The following OR2M4 variants were observed in gnomAD, a reference collection of about 807,000 sequenced individuals.
OR2M4 encodes olfactory receptor family 2 subfamily M member 4, also known as olfactory receptor 2M4.
Under a neutral mutation model 13.7 loss-of-function variants are expected in OR2M4, and 8 were observed. The observed-to-expected ratio is 0.58, with a 90% CI of 0.34 to 1.05. The LOEUF (loss-of-function observed/expected upper bound fraction) is 1.05. Among genes scored for constraint, OR2M4 ranks in the 50% least tolerant of loss-of-function variants. The pLI is 0.02. For missense variants in OR2M4, 374 were observed against 381.6 expected (o/e 0.98, Z 0.17); for synonymous variants, 152 against 141.3 (o/e 1.08, Z -0.53).
rs1666646354 is a variant in OR2M4 at position 248,244,431 on chromosome 1, T to C, written c.*4567T>C. The C allele has an allele frequency of 6.6e-6, 1 of 152,156 alleles. No individual in the cohort carries two copies. Among genetic ancestry groups the C allele is most frequent in the Non-Finnish European group, 1.5e-5 (1 of 68,034 alleles). 9.4% of individuals were successfully genotyped at this position (152,156 alleles called of 1,614,324 possible). A position where few individuals can be genotyped will look rare whatever the true frequency, so the allele number is the denominator to read the frequency against. On this transcript the variant is annotated 3_prime_UTR_variant, in exon 2 of 2. Coordinates refer to ENST00000641868, the MANE Select transcript of OR2M4 (RefSeq NM_017504.2). ...GAGGCCATTATCCTAAGTGAATTAA[T>C]GCAGTAACAAAAAACCAAATACTGC...
chr1:248,237,653 C>A (rs371825286), intron 1 of OR2M4, among the ~76,000 whole-genome samples: 3 of 151,986 alleles, frequency 2.0e-5, no homozygotes, highest in African/African-American at 4.8e-5. Flanking sequence ...CTCTGTCCCC[C>A]CCAAAAACAA....
chr1:248,241,835 A>G lies in OR2M4; in HGVS notation c.*1971A>G, dbSNP rs1416229418. On this transcript the variant is annotated 3_prime_UTR_variant, in exon 2 of 2. Transcript: ENST00000641868. ...AACTTGGGAAGTGGAGGTTGCTGTG[A>G]GCCGAGATCATGCCATTGCACTCCA... 1 of 152,254 alleles carries G rather than the reference A, an allele frequency of 6.6e-6. No individual in the cohort carries two copies. Among genetic ancestry groups the G allele is most frequent in the Non-Finnish European group, 1.5e-5 (1 of 68,060 alleles). 9.4% of individuals were successfully genotyped at this position (152,254 alleles called of 1,614,324 possible).
intron 1 of OR2M4, among the ~76,000 whole-genome samples, chr1:248,236,690 A>G (rs1666560144): frequency 1.3e-5 from 2 of 152,176 alleles, no homozygotes; most frequent in African/African-American, 4.8e-5. Flanking sequence ...AAGAAGAAAG[A>G]GAGAATAATC....
chr1:248,238,686 T>C (rs548931261), intron 1 of OR2M4, among the ~76,000 whole-genome samples: 1 of 152,278 alleles, frequency 6.6e-6, no homozygotes, highest in African/African-American at 2.4e-5. Context: ...GTCTGTAAAG[T>C]AAATGTCCAA....
chr1:248,233,065 A>G (rs1342955152), intron 1 of OR2M4, among the ~76,000 whole-genome samples: 2 of 152,120 alleles, frequency 1.3e-5, no homozygotes, highest in Non-Finnish European at 2.9e-5. Context: ...AGATAAAATA[A>G]AGCCATGTTA....
chr1:248,232,479 TTTG>T (rs1666514360), intron 1 of OR2M4, among the ~76,000 whole-genome samples: 1 of 152,080 alleles, frequency 6.6e-6, no homozygotes, highest in Non-Finnish European at 1.5e-5. Flanking sequence ...TTAATATTAT[TTTG>T]TTTTCTTTTT....
At position 248,238,927 on chromosome 1, in the gene OR2M4, G is replaced by A. The variant is rs1666584220; in HGVS notation, c.-2G>A. On this transcript the variant is annotated 5_prime_UTR_variant, in exon 2 of 2. Transcript: ENST00000641868. ...ATTCTCAGATAAGGCAAATTATCCA[G>A]GATGGTGTGGGAAAACCAGACCTTC... The A allele has an allele frequency of 6.3e-7, 1 of 1,581,436 alleles. No homozygotes were observed. Among genetic ancestry groups the A allele is most frequent in the Non-Finnish European group, 8.6e-7 (1 of 1,165,722 alleles).
At position 248,239,542 on chromosome 1, in the gene OR2M4, T is replaced by C. The variant is rs747444414; in HGVS notation, c.614T>C (p.Val205Ala). ...FERLLVICCVVMLIFPVSVII... is the reference protein window; with the variant it reads ...FERLLVICCVAMLIFPVSVII... ...AGACTACTTGTCATTTGTTGTGTGG[T>C]AATGCTAATCTTTCCAGTTTCAGTT... is the stretch of plus-strand genomic sequence containing the variant. The change falls in exon 2 of 2, where the codon GTA becomes GCA. Residue 205 changes from valine to alanine, a missense_variant. Physicochemically the swap from Val to Ala is moderately conservative, Grantham distance 64. Coordinates refer to ENST00000641868, the MANE Select transcript of OR2M4 (RefSeq NM_017504.2). The C allele has an allele frequency of 6.2e-7, 1 of 1,614,162 alleles. No homozygotes were observed. Among genetic ancestry groups the C allele is most frequent in the South Asian group, 1.1e-5 (1 of 91,080 alleles).
chr1:248,239,523 C>G lies in OR2M4; in HGVS notation c.595C>G (p.Leu199Val). 1.2e-6 allele frequency: 2 copies of G among 1,614,046 alleles called. No homozygotes were observed. The highest frequency in any genetic ancestry group is 2.2e-5 in the South Asian group (2 of 91,068). Reference sequence around the variant, plus strand: ...AGAAACATCTGCATTTGAAAGACTACTTGTCATTTGTTGTGTGGTAATGCT... The same window carrying G: ...AGAAACATCTGCATTTGAAAGACTAGTTGTCATTTGTTGTGTGGTAATGCT... ...CTETSAFERL[L>V]VICCVVMLIF... The change falls in exon 2 of 2, where the codon CTT (leucine) becomes GTT (valine). Residue 199 changes from leucine to valine, a missense_variant. By Grantham distance (32) the Leu-to-Val change is conservative. Transcript: ENST00000641868.
Position 248,244,446 on chromosome 1 carries a change from C to A in OR2M4, c.*4582C>A, listed in dbSNP as rs149003962. 3 of 152,232 alleles carry A rather than the reference C, an allele frequency of 2.0e-5. No individual in the cohort carries two copies. The highest frequency in any genetic ancestry group is 2.9e-5 in the Non-Finnish European group (2 of 68,026). 9.4% of individuals were successfully genotyped at this position (152,232 alleles called of 1,614,324 possible). ...AGTGAATTAATGCAGTAACAAAAAA[C>A]CAAATACTGCATGTTCTCACTTATA... On this transcript the variant is annotated 3_prime_UTR_variant, in exon 2 of 2. Transcript: ENST00000641868.
rs780474235 is a variant in OR2M4 at position 248,239,418 on chromosome 1, C to G, written c.490C>G (p.Leu164Val). 6.8e-6 allele frequency: 11 copies of G among 1,614,058 alleles called. No individual in the cohort carries two copies. Among genetic ancestry groups the G allele is most frequent in the Non-Finnish European group, 9.3e-6 (11 of 1,179,996 alleles). ...TGGGATCATAGTGCTTGCAGCTGTC[C>G]TGTCATTTTCTTACTGCAGCTCTCT... is the stretch of plus-strand genomic sequence containing the variant. ...LDGIIVLAAVLSFSYCSSLEI... is the reference protein window; with the variant it reads ...LDGIIVLAAVVSFSYCSSLEI... Residue 164 changes from leucine to valine, a missense_variant, in exon 2 of 2, where the codon CTG becomes GTG. By Grantham distance (32) the Leu-to-Val change is conservative. Transcript: ENST00000641868.
At chr1:248,238,870 G>C in intron 1 of OR2M4, 40 bp from the exon 2 acceptor site, 2 of 1,311,616 alleles carry the variant, frequency 1.5e-6, no homozygotes, top group Non-Finnish European at 2.1e-6. Context: ...TTTGAAAACT[G>C]AATTGATAAA....
At position 248,239,753 on chromosome 1, in the gene OR2M4, G is replaced by A. The variant is rs1399023386; in HGVS notation, c.825G>A (p.Ser275=). The change falls in exon 2 of 2, where the codon TCG becomes TCA. Residue 275 remains serine, a synonymous_variant. Transcript: ENST00000641868. The stretch of plus-strand genomic sequence containing the variant: ...CGCCAGACCAGGACAAGATGGTGTC[G>A]GCCTTCTACACTATTCTCACCCCTA... ...KHTPDQDKMV[S]AFYTILTPML... is the part of the protein sequence containing the mutation. 13 of 1,613,808 alleles carry A rather than the reference G, an allele frequency of 8.1e-6. No homozygotes were observed. The highest frequency in any genetic ancestry group is 2.2e-5 in the East Asian group (1 of 44,868).
intron 1 of OR2M4, among the ~76,000 whole-genome samples, chr1:248,232,186 G>A (rs1666512229): frequency 6.6e-6 from 1 of 152,138 alleles, no homozygotes; most frequent in East Asian, 1.9e-4. Flanking sequence ...GACAATCAAT[G>A]TTATAAAGAC....
At chr1:248,237,216 G>T (rs111808725) in intron 1 of OR2M4, among the ~76,000 whole-genome samples, 3 of 152,144 alleles carry the variant, frequency 2.0e-5, no homozygotes, top group African/African-American at 7.2e-5. Flanking sequence ...TATCTACCAC[G>T]ATCAAGTCAG....
intron 1 of OR2M4, among the ~76,000 whole-genome samples, chr1:248,237,648 T>TC (rs1558261408): frequency 6.6e-6 from 1 of 150,538 alleles, no homozygotes; most frequent in Non-Finnish European, 1.5e-5. Flanking sequence ...CAAGACTCTG[T>TC]CCCCCCCAAA....
chr1:248,236,412 G>T (rs537814482), intron 1 of OR2M4, among the ~76,000 whole-genome samples: 1 of 152,138 alleles, frequency 6.6e-6, no homozygotes, highest in East Asian at 1.9e-4. Flanking sequence ...AGCTAAAGCA[G>T]TGTTAAGAGG....
In OR2M4 at chr1:248,243,976, A is replaced by G. The variant is rs1264924518; in HGVS notation, c.*4112A>G. On this transcript the variant is annotated 3_prime_UTR_variant, in exon 2 of 2. Transcript: ENST00000641868. ...TCATAGTTAGTTATGAGAGAAATGC[A>G]AATCAAAACCTAAATGAGAGACCAT... The G allele has an allele frequency of 2.6e-5, 4 of 152,228 alleles. No homozygotes were observed. Among genetic ancestry groups the G allele is most frequent in the Non-Finnish European group, 5.9e-5 (4 of 68,030 alleles). The allele number at this position is 152,228 out of a possible 1,614,324, so 9.4% of individuals were successfully genotyped here. A position where few individuals can be genotyped will look rare whatever the true frequency, so the allele number is the denominator to read the frequency against.
chr1:248,235,035 C>G (rs1327020237), intron 1 of OR2M4, among the ~76,000 whole-genome samples: 1 of 151,936 alleles, frequency 6.6e-6, no homozygotes, highest in Admixed American at 6.6e-5. Context: ...AATTTTAGCT[C>G]TTATTGCAAT....
Sources: gnomAD v4.1 joint callset for allele counts (sites outside exome capture counted in the v4.1 genomes callset) on GRCh38, gnomAD v4.1.1 for gene constraint, MANE v1.5 for transcripts, NCBI Gene and HGNC (gene_info 2026-07-23, HGNC 2026-07-21) for gene names.